The following SLC24A2 variants were observed in gnomAD, a reference collection of about 807,000 sequenced individuals.
SLC24A2 encodes sodium/potassium/calcium exchanger 2.
In SLC24A2, 36 loss-of-function variants were observed where a neutral mutation model predicts 62.0. The observed-to-expected ratio is 0.58, with a 90% CI of 0.44 to 0.77. The LOEUF (loss-of-function observed/expected upper bound fraction) is 0.77, where lower values mean the gene tolerates loss of function less well. Ranked by LOEUF, SLC24A2 falls within the 30% of genes least tolerant of loss-of-function variation. The pLI, the probability that SLC24A2 is intolerant of heterozygous loss-of-function variation, is 0.00. For missense variants in SLC24A2, 846 were observed against 817.9 expected, an observed-to-expected ratio of 1.03 and a Z score of -0.42; for synonymous variants, 358 against 294.0, an observed-to-expected ratio of 1.22 and a Z score of -2.23.
intron 2 of SLC24A2, among the ~76,000 whole-genome samples, chr9:19,701,659 A>G (rs7866506): frequency 0.35 from 53,658 of 152,108 alleles, 10,601 homozygotes; most frequent in African/African-American, 0.54. Flanking sequence ...GATGCTGACC[A>G]ATCTTCTGGC....
intron 2 of SLC24A2, among the ~76,000 whole-genome samples, chr9:19,665,657 G>A (rs541242570): frequency 2.6e-5 from 4 of 152,036 alleles, no homozygotes; most frequent in Admixed American, 2.6e-4. Flanking sequence ...ACAGGGTTTC[G>A]CTCTGTCACC....
At chr9:20,235,446 C>A in the SLC24A2 span, among the ~76,000 whole-genome samples, 1 of 150,228 alleles carries the variant, frequency 6.7e-6, no homozygotes, top group Non-Finnish European at 1.5e-5. Context: ...GCCCCTCCCC[C>A]AGCCTCGCTG....
the SLC24A2 span, among the ~76,000 whole-genome samples, chr9:19,820,066 T>C: frequency 3.8e-5 from 5 of 131,934 alleles, no homozygotes; most frequent in Non-Finnish European, 8.0e-5. Flanking sequence ...CACATATATA[T>C]ATATATATAT....
chr9:19,729,187 T>A (rs1821261733), intron 2 of SLC24A2, among the ~76,000 whole-genome samples: 1 of 152,122 alleles, frequency 6.6e-6, no homozygotes, highest in Non-Finnish European at 1.5e-5. Flanking sequence ...CAAGGAAGTA[T>A]CATTTCACCC....
the SLC24A2 span, among the ~76,000 whole-genome samples, chr9:20,103,626 G>C: frequency 5.4e-4 from 83 of 152,324 alleles, no homozygotes; most frequent in Non-Finnish European, 9.8e-4. Context: ...CAAGAGACCT[G>C]GAGCTGAGGG....
At chr9:19,918,625 C>T in the SLC24A2 span, among the ~76,000 whole-genome samples, 1 of 152,100 alleles carries the variant, frequency 6.6e-6, no homozygotes, top group Non-Finnish European at 1.5e-5. Flanking sequence ...ACTGAAGAGT[C>T]TTGCGTGTGT....
At chr9:19,644,514 C>T (rs1818587943) in intron 2 of SLC24A2, among the ~76,000 whole-genome samples, 1 of 152,100 alleles carries the variant, frequency 6.6e-6, no homozygotes, top group Non-Finnish European at 1.5e-5. Flanking sequence ...ATCACTTGCC[C>T]AGTGCGTATG....
chr9:20,021,852 T>A, the SLC24A2 span, among the ~76,000 whole-genome samples: 1 of 152,160 alleles, frequency 6.6e-6, no homozygotes, highest in African/African-American at 2.4e-5. Context: ...CTCCTACACC[T>A]TGAGGTGCTG....
At chr9:20,072,657 G>T in the SLC24A2 span, among the ~76,000 whole-genome samples, 24 of 151,832 alleles carry the variant, frequency 1.6e-4, no homozygotes, top group African/African-American at 5.6e-4. Flanking sequence ...TGATGTAATC[G>T]CAATGATCTT....
chr9:19,817,962 TC>T, the SLC24A2 span, among the ~76,000 whole-genome samples: 1 of 152,062 alleles, frequency 6.6e-6, no homozygotes, highest in African/African-American at 2.4e-5. Flanking sequence ...ACTCTTGGCC[TC>T]AAGACATCCT....
the SLC24A2 span, among the ~76,000 whole-genome samples, chr9:20,289,913 A>C: frequency 6.6e-6 from 1 of 152,202 alleles, no homozygotes; most frequent in African/African-American, 2.4e-5. Flanking sequence ...CATTCATAGA[A>C]GCATTCAAAA....
intron 7 of SLC24A2, among the ~76,000 whole-genome samples, chr9:19,564,106 T>C (rs1057244533): frequency 6.6e-6 from 1 of 152,034 alleles, no homozygotes; most frequent in Non-Finnish European, 1.5e-5. Context: ...TCCACCTGCC[T>C]CGGCCTCCCA....
the SLC24A2 span, among the ~76,000 whole-genome samples, chr9:19,844,335 T>C: frequency 6.6e-6 from 1 of 152,316 alleles, no homozygotes; most frequent in East Asian, 1.9e-4. Flanking sequence ...GCAGTGTCTG[T>C]TCATGTCTTT....
the SLC24A2 span, among the ~76,000 whole-genome samples, chr9:20,082,796 T>TTA: frequency 1.3e-5 from 2 of 152,332 alleles, no homozygotes; most frequent in East Asian, 3.9e-4. Context: ...AACAAGAATT[T>TTA]TATATTATGT....
the SLC24A2 span, among the ~76,000 whole-genome samples, chr9:19,822,243 T>C: frequency 6.6e-6 from 1 of 152,180 alleles, no homozygotes; most frequent in African/African-American, 2.4e-5. Flanking sequence ...ACAAGAACTA[T>C]GTATGAGGGG....
the SLC24A2 span, among the ~76,000 whole-genome samples, chr9:19,893,724 C>T: frequency 6.6e-6 from 1 of 152,010 alleles, no homozygotes; most frequent in Non-Finnish European, 1.5e-5. Flanking sequence ...TTAGAATTAG[C>T]TTTGACTGCA....
the SLC24A2 span, among the ~76,000 whole-genome samples, chr9:20,295,036 G>GTATGTATATATATATATATA: frequency 6.9e-5 from 10 of 145,682 alleles, no homozygotes; most frequent in African/African-American, 2.3e-4. Flanking sequence ...GTGTATATAT[G>GTATGTATATATATATATATA]TATATATATA....
the SLC24A2 span, among the ~76,000 whole-genome samples, chr9:20,056,384 G>A: frequency 6.6e-6 from 1 of 152,132 alleles, no homozygotes; most frequent in Non-Finnish European, 1.5e-5. Flanking sequence ...TGTTAGACAA[G>A]GATGTGGGAT....
intron 4 of SLC24A2, 56 bp downstream of exon 4, chr9:19,619,528 C>T: frequency 7.6e-7 from 1 of 1,313,998 alleles, no homozygotes. Flanking sequence ...TGCAGAGAAG[C>T]CTTTTGGCAT....
Sources: allele counts gnomAD v4.1 joint callset (sites outside exome capture counted in the v4.1 genomes callset), GRCh38; gene constraint gnomAD v4.1.1; transcripts MANE v1.5; gene names NCBI Gene and HGNC (gene_info 2026-07-23, HGNC 2026-07-21).